NEO1: variants seen among roughly 807,000 people sequenced by gnomAD.
NEO1 encodes the protein neogenin 1.
NEO1 carries 63 observed loss-of-function variants against 159.7 expected under a neutral mutation model. The observed-to-expected ratio is 0.39, with a 90% CI of 0.32 to 0.49. NEO1 has a LOEUF of 0.49. Ranked by LOEUF, NEO1 falls within the 20% of genes least tolerant of loss-of-function variation. The probability of loss-of-function intolerance (pLI) is 0.85; values close to 1 mark genes in which losing one functional copy is unlikely to be tolerated. For missense variants in NEO1, 1,615 were observed against 1,831.0 expected (o/e 0.88, Z 2.15); for synonymous variants, 633 against 662.0 (o/e 0.96, Z 0.67).
chr15:73,140,631 C>A (rs953629410), intron 5 of NEO1, among the ~76,000 whole-genome samples: 4 of 151,974 alleles, frequency 2.6e-5, no homozygotes, highest in Non-Finnish European at 1.5e-5. Context: ...AGTATACTTA[C>A]CAGAAATGTA....
At chr15:73,124,125 C>T (rs2071832355) in intron 3 of NEO1, among the ~76,000 whole-genome samples, 2 of 152,116 alleles carry the variant, frequency 1.3e-5, no homozygotes, top group East Asian at 3.9e-4. Flanking sequence ...TGCAGTGGTG[C>T]GATCTTGGTT....
At chr15:73,138,795 G>A (rs1472506457) in intron 5 of NEO1, among the ~76,000 whole-genome samples, 2 of 152,054 alleles carry the variant, frequency 1.3e-5, no homozygotes, top group South Asian at 2.1e-4. Context: ...AAACAAAGGG[G>A]GAGTTTTAAA....
chr15:73,160,051 TA>T (rs1308583891), intron 5 of NEO1, among the ~76,000 whole-genome samples: 1 of 152,214 alleles, frequency 6.6e-6, no homozygotes, highest in East Asian at 1.9e-4. Flanking sequence ...TTTTTCTTAT[TA>T]ATTTGTTGGA....
chr15:73,103,641 T>C (rs2070522498), intron 1 of NEO1, among the ~76,000 whole-genome samples: 1 of 152,220 alleles, frequency 6.6e-6, no homozygotes, highest in Non-Finnish European at 1.5e-5. Flanking sequence ...ATAAGCACTC[T>C]TAAGGGCAGA....
At chr15:73,122,900 T>C in intron 3 of NEO1, 100 bp downstream of exon 3, 1 of 1,415,992 alleles carries the variant, frequency 7.1e-7, no homozygotes, top group Non-Finnish European at 9.7e-7. Context: ...CCGGGCGCAG[T>C]GGCTCACACC....
At chr15:73,126,332 A>G in intron 3 of NEO1, 85 bp from the exon 4 acceptor site, 1 of 1,277,650 alleles carries the variant, frequency 7.8e-7, no homozygotes, top group Non-Finnish European at 1.1e-6. Flanking sequence ...GGCCTCCCAA[A>G]GTATCGGGAT....
chr15:73,197,900 C>G (rs1465944485), intron 7 of NEO1, among the ~76,000 whole-genome samples: 1 of 151,966 alleles, frequency 6.6e-6, no homozygotes. Context: ...AGGCTGGTCT[C>G]GAACTCCTGA....
At chr15:73,275,619 C>T (rs2151059696) in intron 21 of NEO1, among the ~76,000 whole-genome samples, 1 of 152,094 alleles carries the variant, frequency 6.6e-6, no homozygotes, top group Middle Eastern at 3.4e-3. Context: ...CACACCACTG[C>T]ACTCCTGCCT....
At chr15:73,257,810 T>C (rs1188256502) in intron 13 of NEO1, among the ~76,000 whole-genome samples, 1 of 152,232 alleles carries the variant, frequency 6.6e-6, no homozygotes, top group African/African-American at 2.4e-5. Context: ...TTTCAAGATC[T>C]TCATTGAGTA....
chr15:73,281,215 AC>A (rs2041688492), intron 22 of NEO1, among the ~76,000 whole-genome samples: 1 of 145,154 alleles, frequency 6.9e-6, no homozygotes, highest in Non-Finnish European at 1.5e-5. Flanking sequence ...AAAAAAAAAA[AC>A]ACATAAATTT....
intron 4 of NEO1, 83 bp downstream of exon 4, chr15:73,126,653 A>G: frequency 1.5e-6 from 2 of 1,319,302 alleles, no homozygotes; most frequent in Non-Finnish European, 2.1e-6. Flanking sequence ...GACTAATTTA[A>G]AAAGATTATC....
chr15:73,170,166 A>C (rs979475597), intron 5 of NEO1, among the ~76,000 whole-genome samples: 19 of 152,146 alleles, frequency 1.2e-4, no homozygotes, highest in African/African-American at 4.6e-4. Flanking sequence ...ATTGGACTAT[A>C]ATGTACCTAG....
intron 21 of NEO1, among the ~76,000 whole-genome samples, chr15:73,276,031 A>T (rs1195271112): frequency 6.6e-6 from 1 of 152,182 alleles, no homozygotes; most frequent in African/African-American, 2.4e-5. Context: ...CATTGGAGAA[A>T]CTGCAAACAT....
intron 1 of NEO1, among the ~76,000 whole-genome samples, chr15:73,105,250 G>A (rs560653633): frequency 2.6e-5 from 4 of 152,150 alleles, no homozygotes; most frequent in Non-Finnish European, 4.4e-5. Flanking sequence ...AATGTCCACT[G>A]TTTCAGTTGG....
At chr15:73,070,816 A>G (rs1054813158) in intron 1 of NEO1, among the ~76,000 whole-genome samples, 4 of 152,220 alleles carry the variant, frequency 2.6e-5, no homozygotes, top group African/African-American at 9.6e-5. Context: ...TTTTCATATC[A>G]TGGTTGACTA....
intron 22 of NEO1, among the ~76,000 whole-genome samples, chr15:73,281,148 C>A (rs1381136880): frequency 7.0e-6 from 1 of 142,810 alleles, no homozygotes; most frequent in African/African-American, 2.6e-5. Context: ...GCGGAGCTTG[C>A]AGTGAGCGGA....
upstream of NEO1, among the ~76,000 whole-genome samples, chr15:73,052,248 G>T (rs1337261562): frequency 1.4e-5 from 2 of 147,162 alleles, no homozygotes; most frequent in Non-Finnish European, 3.0e-5. Flanking sequence ...GGAGCCGAGG[G>T]GGTGCGGGCG....
At chr15:73,243,451 T>C (rs1479513207) in intron 8 of NEO1, among the ~76,000 whole-genome samples, 1 of 152,252 alleles carries the variant, frequency 6.6e-6, no homozygotes, top group Non-Finnish European at 1.5e-5. Flanking sequence ...TATAGCTGTT[T>C]CCTCACATGA....
chr15:73,199,155 A>G (rs2036710235), intron 7 of NEO1, among the ~76,000 whole-genome samples: 1 of 150,608 alleles, frequency 6.6e-6, no homozygotes. Context: ...TTGGTGAGGT[A>G]TTTTGTAGAA....
Sources: allele counts gnomAD v4.1 joint callset (sites outside exome capture counted in the v4.1 genomes callset), GRCh38; gene constraint gnomAD v4.1.1; transcripts MANE v1.5; gene names NCBI Gene and HGNC (gene_info 2026-07-23, HGNC 2026-07-21).